The following NPEPL1 variants were observed in gnomAD, a reference collection of about 807,000 sequenced individuals.
NPEPL1 encodes the protein aminopeptidase like 1, also known as probable aminopeptidase NPEPL1.
Under a neutral mutation model 52.4 loss-of-function variants are expected in NPEPL1, and 45 were observed. The observed-to-expected ratio is 0.86, with a 90% confidence interval of 0.68 to 1.10. The LOEUF (loss-of-function observed/expected upper bound fraction) is 1.10, where lower values mean the gene tolerates loss of function less well. Among genes scored for constraint, NPEPL1 ranks in the 50% least tolerant of loss-of-function variants. The pLI, the probability that NPEPL1 is intolerant of heterozygous loss-of-function variation, is 0.00. For missense variants in NPEPL1, 696 were observed against 710.9 expected (o/e 0.98, Z 0.24); for synonymous variants, 360 against 314.7 (o/e 1.14, Z -1.52).
intron 5 of NPEPL1, among the ~76,000 whole-genome samples, chr20:58,700,610 GGAGC>G (rs1320634790): frequency 6.6e-6 from 1 of 152,220 alleles, no homozygotes; most frequent in Non-Finnish European, 1.5e-5. Flanking sequence ...AGGGACTGTG[GGAGC>G]GAGTGTGAAA....
At chr20:58,690,975 T>C, upstream of NPEPL1, 1 of 629,308 alleles carries the variant, frequency 1.6e-6, no homozygotes, top group Non-Finnish European at 2.9e-6. Context: ...AACCTTCTGT[T>C]CTAACCACAC....
intron 11 of NPEPL1, 106 bp from the exon 12 acceptor site, chr20:58,715,062 G>T: frequency 8.0e-7 from 1 of 1,256,976 alleles, no homozygotes. Context: ...CCTGAGAAGG[G>T]GACTGTGGGG....
chr20:58,714,473 G>C (rs1601141503), intron 10 of NPEPL1, 87 bp from the exon 11 acceptor site: 1 of 980,024 alleles, frequency 1.0e-6, no homozygotes, highest in East Asian at 2.7e-5. Flanking sequence ...GCTCCTTGCA[G>C]ACAGCAATAG....
chr20:58,707,328 T>TC, intron 7 of NPEPL1, 128 bp downstream of exon 7: 1 of 849,222 alleles, frequency 1.2e-6, no homozygotes, highest in Non-Finnish European at 1.8e-6. Flanking sequence ...CGGATGCTTG[T>TC]CCCCCCTCTG....
Position 58,715,153 on chromosome 20 carries a change from G to C in NPEPL1, c.1414-15G>C, listed in dbSNP as rs1426880358. The C allele has an allele frequency of 6.3e-7, 1 of 1,594,078 alleles. No individual in the cohort carries two copies. Among genetic ancestry groups the C allele is most frequent in the Non-Finnish European group, 8.5e-7 (1 of 1,174,144 alleles). ...GCCCCACGCCCAGAGTCTGTGTCCT[G>C]CCCTTTGCTTGCAGGGTGAGCGAGC... On this transcript the variant is annotated splice_polypyrimidine_tract_variant and intron_variant, in intron 11 of 11. Transcript: ENST00000356091.
intron 1 of NPEPL1, chr20:58,693,406 G>A: frequency 4.1e-6 from 1 of 244,560 alleles, no homozygotes. Flanking sequence ...AGTGTCCCCA[G>A]CTGCCTTTCC....
intron 6 of NPEPL1, among the ~76,000 whole-genome samples, chr20:58,703,005 G>A (rs774777980): frequency 1.4e-4 from 22 of 152,308 alleles, no homozygotes; most frequent in African/African-American, 3.8e-4. Flanking sequence ...CGCAGGTTCC[G>A]CGTCTTCGTT....
In NPEPL1 at chr20:58,693,127, GCCCGCCGCACC is replaced by G. The variant is rs2084389008; in HGVS notation, c.150+86_150+96del. 17 of 941,078 alleles carry G rather than the reference GCCCGCCGCACC, an allele frequency of 1.8e-5. No individual in the cohort carries two copies. In the South Asian group the frequency reaches 5.2e-4, roughly 29 times the overall value. The allele number at this position is 941,078 out of a possible 1,614,324, so 58.3% of individuals were successfully genotyped here. ...GGGCGGCCCGCGGAGGCCCCGCCTC[GCCCGCCGCACC>G]CCCGCCGCCGCCGGGCCGGGCCCAA... On this transcript the variant is annotated intron_variant, in intron 1 of 11. Coordinates refer to ENST00000356091, the MANE Select transcript of NPEPL1 (RefSeq NM_024663.4).
chr20:58,698,673 T>C lies in NPEPL1; in HGVS notation c.508-11T>C, dbSNP rs758231761. The stretch of plus-strand genomic sequence containing the variant: ...CCACCTGGTCCCCAGTGATGGCCTT[T>C]TTCTCCCTAGTGCTTAGCGAATGCC... On this transcript the variant is annotated splice_polypyrimidine_tract_variant and intron_variant, in intron 3 of 11. Coordinates refer to ENST00000356091, the MANE Select transcript of NPEPL1 (RefSeq NM_024663.4). 6.2e-7 allele frequency: 1 copy of C among 1,611,436 alleles called. No homozygotes were observed. Among genetic ancestry groups the C allele is most frequent in the South Asian group, 1.1e-5 (1 of 91,070 alleles).
chr20:58,715,087 C>T, intron 11 of NPEPL1, 81 bp from the exon 12 acceptor site: 1 of 1,465,850 alleles, frequency 6.8e-7, no homozygotes, highest in Non-Finnish European at 9.1e-7. Flanking sequence ...TGGAGGGGAC[C>T]CAGGAGGTGA....
Position 58,715,254 on chromosome 20 carries a change from C to T in NPEPL1, c.1500C>T (p.Ser500=), listed in dbSNP as rs537183698. Residue 500 remains serine (S), a synonymous_variant, in exon 12 of 12, where the codon TCC becomes TCT. Transcript: ENST00000356091. ...AGGACCCTCTGCTGAACCTGGTGTC[C>T]CCACTGGGCTGTGAGGTGGATGTCG... ...ASEDPLLNLV[S]PLGCEVDVEE... 8 of 1,610,760 alleles carry T rather than the reference C, an allele frequency of 5.0e-6. No homozygotes were observed. In the African/African-American group the frequency reaches 8.0e-5, roughly 16 times the overall value.
intron 8 of NPEPL1, chr20:58,712,914 G>A (rs1015506273): frequency 9.8e-6 from 4 of 408,272 alleles, no homozygotes; most frequent in African/African-American, 2.1e-5. Context: ...TTCCCTGCTC[G>A]GGGACACCTC....
chr20:58,693,581 A>G (rs1202907522), intron 1 of NPEPL1, 156 bp from the exon 2 acceptor site: 12 of 623,424 alleles, frequency 1.9e-5, no homozygotes, highest in Non-Finnish European at 3.3e-5. Context: ...CAGAGAGGCG[A>G]CACATCTCCC....
chr20:58,701,248 GGGGT>G, intron 6 of NPEPL1, 90 bp downstream of exon 6: 1 of 342,850 alleles, frequency 2.9e-6, no homozygotes, highest in African/African-American at 2.9e-5. Context: ...CCCTGGGGGT[GGGGT>G]GGGGTGGGGT....
Position 58,713,136 on chromosome 20 carries a change from A to G in NPEPL1, c.1002-284A>G, listed in dbSNP as rs1213922576. On this transcript the variant is annotated intron_variant, in intron 8 of 11. Coordinates refer to ENST00000356091, the MANE Select transcript of NPEPL1 (RefSeq NM_024663.4). This position sits in a 1 kb window ranked among gnomAD's most constrained non-coding sequence, Gnocchi z 4.6. ...AAGGCCAGCCCAGCCGGTTCATGCC[A>G]CCCACTTTACAGAAGAAGAAACTGA... 2 of 421,818 alleles carry G rather than the reference A, an allele frequency of 4.7e-6. No homozygotes were observed. Among genetic ancestry groups the G allele is most frequent in the South Asian group, 3.0e-5 (1 of 33,456 alleles). 26.1% of individuals were successfully genotyped at this position (421,818 alleles called of 1,614,324 possible). A position where few individuals can be genotyped will look rare whatever the true frequency, so the allele number is the denominator to read the frequency against.
chr20:58,693,917 A>G lies in NPEPL1; in HGVS notation c.331A>G (p.Ile111Val), dbSNP rs756445088. The part of the protein sequence containing the change: ...TCLPPGAHRC[I>V]VMVCEQPEVF... ...CCTGCCGCCCGGAGCGCATCGCTGC[A>G]TTGTGGTGAGTGCTTCGAGAGGAGG... Residue 111 changes from isoleucine (I) to valine (V), a missense_variant, in exon 2 of 12, where the codon ATT becomes GTT. Physicochemically the swap from Ile to Val is conservative, Grantham distance 29 (BLOSUM62 3). Coordinates refer to ENST00000356091, the MANE Select transcript of NPEPL1 (RefSeq NM_024663.4). The G allele has an allele frequency of 5.6e-6, 9 of 1,597,482 alleles. No homozygotes were observed. Among genetic ancestry groups the G allele is most frequent in the Non-Finnish European group, 7.7e-6 (9 of 1,171,366 alleles).
intron 10 of NPEPL1, 191 bp from the exon 11 acceptor site, chr20:58,714,369 G>GCTCC (rs2084914872): frequency 1.7e-6 from 1 of 600,010 alleles, no homozygotes; most frequent in Admixed American, 3.2e-5. Context: ...TTCCCCCTTG[G>GCTCC]CCTATGGTGG....
chr20:58,699,809 G>A (rs1361935299), intron 5 of NPEPL1, among the ~76,000 whole-genome samples: 6 of 152,332 alleles, frequency 3.9e-5, no homozygotes, highest in South Asian at 4.1e-4. Flanking sequence ...CAGCTGCCCC[G>A]TGGTGCTTGT....
intron 3 of NPEPL1, among the ~76,000 whole-genome samples, chr20:58,695,049 T>A (rs796226211): frequency 0.15 from 755 of 5,206 alleles, 1 homozygote; most frequent in East Asian, 0.18. Flanking sequence ...GCTGTGTATG[T>A]TTGCTGGTGT....
Sources: gnomAD v4.1 joint callset for allele counts (sites outside exome capture counted in the v4.1 genomes callset) on GRCh38, gnomAD v4.1.1 for gene constraint, Gnocchi (gnomAD v3.1) non-coding constraint, MANE v1.5 for transcripts, NCBI Gene and HGNC (gene_info 2026-07-23, HGNC 2026-07-21) for gene names.